The following TNR variants were observed in gnomAD, a reference collection of about 807,000 sequenced individuals.
TNR encodes the protein tenascin-R.
Under a neutral mutation model 150.4 loss-of-function variants are expected in TNR, and 45 were observed. That is an observed-to-expected ratio of 0.30 (90% CI 0.24 to 0.38). The LOEUF (loss-of-function observed/expected upper bound fraction) is 0.38. Ranked by LOEUF, TNR falls within the 10% of genes least tolerant of loss-of-function variation. The pLI, the probability that TNR is intolerant of heterozygous loss-of-function variation, is 1.00. For missense variants in TNR, 1,544 were observed against 1,759.1 expected, an observed-to-expected ratio of 0.88 and a Z score of 2.19; for synonymous variants, 687 against 678.4, an observed-to-expected ratio of 1.01 and a Z score of -0.20.
At chr1:175,654,949 C>G (rs1274476323) in intron 1 of TNR, among the ~76,000 whole-genome samples, 1 of 152,098 alleles carries the variant, frequency 6.6e-6, no homozygotes, top group African/African-American at 2.4e-5. Flanking sequence ...GTCTCGATCT[C>G]CTGACCTCGT....
intron 1 of TNR, among the ~76,000 whole-genome samples, chr1:175,630,063 T>TG (rs1448663913): frequency 1.3e-5 from 2 of 152,156 alleles, no homozygotes; most frequent in East Asian, 1.9e-4. Flanking sequence ...CAGAGCTCTC[T>TG]GGGGTCTGGA....
At chr1:175,469,454 T>C (rs1339491308) in intron 2 of TNR, among the ~76,000 whole-genome samples, 2 of 151,958 alleles carry the variant, frequency 1.3e-5, no homozygotes, top group African/African-American at 2.4e-5. Context: ...TCAGAGAAGG[T>C]TCAGAGAACA....
chr1:175,363,941 A>T, intron 12 of TNR, 114 bp from the exon 13 acceptor site: 1 of 1,330,990 alleles, frequency 7.5e-7, no homozygotes, highest in Non-Finnish European at 1.0e-6. Context: ...GGCAGACAAG[A>T]TCTTTCCATG....
intron 1 of TNR, among the ~76,000 whole-genome samples, chr1:175,688,298 A>C (rs539737393): frequency 1.3e-5 from 2 of 152,338 alleles, no homozygotes; most frequent in South Asian, 4.2e-4. Flanking sequence ...TGCAGACTTG[A>C]GAATGAGCAC....
intron 1 of TNR, among the ~76,000 whole-genome samples, chr1:175,715,152 T>C (rs761319202): frequency 6.6e-6 from 1 of 152,174 alleles, no homozygotes; most frequent in Non-Finnish European, 1.5e-5. Context: ...TATCCCCACA[T>C]TGAAGGATGA....
chr1:175,504,001 A>C (rs1658848604), intron 2 of TNR, among the ~76,000 whole-genome samples: 1 of 152,196 alleles, frequency 6.6e-6, no homozygotes, highest in Admixed American at 6.5e-5. Flanking sequence ...GTGCAGCCTC[A>C]TGGCGGATGC....
At chr1:175,349,113 G>T (rs143060974) in intron 18 of TNR, among the ~76,000 whole-genome samples, 1 of 152,156 alleles carries the variant, frequency 6.6e-6, no homozygotes, top group Non-Finnish European at 1.5e-5. Context: ...GATGCATGTC[G>T]TTAGGAAATA....
chr1:175,678,611 G>A (rs1222250425), intron 1 of TNR, among the ~76,000 whole-genome samples: 1 of 152,192 alleles, frequency 6.6e-6, no homozygotes, highest in Non-Finnish European at 1.5e-5. Context: ...CAGAGTCCAG[G>A]GAGCTGTATC....
At chr1:175,550,493 C>T (rs1406087434) in intron 1 of TNR, among the ~76,000 whole-genome samples, 1 of 151,818 alleles carries the variant, frequency 6.6e-6, no homozygotes, top group Non-Finnish European at 1.5e-5. Context: ...GAACTCTTCC[C>T]CCCTCACCCC....
At chr1:175,542,464 G>C (rs1660541834) in intron 1 of TNR, among the ~76,000 whole-genome samples, 1 of 152,168 alleles carries the variant, frequency 6.6e-6, no homozygotes, top group South Asian at 2.1e-4. Flanking sequence ...TCCTGTCTAA[G>C]TGTTTAGTTA....
In TNR at chr1:175,538,000, C is replaced by T. The variant is rs146212059; in HGVS notation, c.-164-9631G>A. On this transcript the variant is annotated intron_variant, in intron 1 of 22. Transcript: ENST00000367674. ...ATAATTCTTTTTTGGGTGAAACTCT[C>T]CAAGGTCACAATGTGGAGAAGTAGA... Among the ~76,000 whole-genome samples, 1,059 of 152,218 alleles carry T rather than the reference C, an allele frequency of 7.0e-3. 8 individuals are homozygous for T. The highest frequency in any genetic ancestry group is 0.023 in the African/African-American group (950 of 41,528).
chr1:175,520,232 G>A (rs1659579945), intron 2 of TNR, among the ~76,000 whole-genome samples: 3 of 152,194 alleles, frequency 2.0e-5, no homozygotes, highest in South Asian at 4.1e-4. Context: ...CTGAACATTT[G>A]ATGGGTCTGT....
intron 1 of TNR, among the ~76,000 whole-genome samples, chr1:175,570,456 C>T (rs547954318): frequency 1.4e-4 from 22 of 152,244 alleles, no homozygotes; most frequent in African/African-American, 5.1e-4. Flanking sequence ...GCAGGGTAGA[C>T]ATGAATGATA....
intron 1 of TNR, among the ~76,000 whole-genome samples, chr1:175,536,354 T>C (rs955486063): frequency 1.3e-5 from 2 of 152,234 alleles, no homozygotes; most frequent in Non-Finnish European, 2.9e-5. Context: ...AAGAAATGAC[T>C]GGCATCTGTG....
chr1:175,323,652 G>C (rs568120712), intron 22 of TNR, among the ~76,000 whole-genome samples, 176 bp from the exon 23 acceptor site: 1 of 152,368 alleles, frequency 6.6e-6, no homozygotes, highest in Non-Finnish European at 1.5e-5. Context: ...TCTCTTTCTA[G>C]CTTTCTCCTT....
chr1:175,614,219 AAG>A (rs1443865653), intron 1 of TNR, among the ~76,000 whole-genome samples: 1 of 152,094 alleles, frequency 6.6e-6, no homozygotes. Flanking sequence ...ATATGGTAGG[AAG>A]AGAGAGAGAG....
At chr1:175,636,415 T>C (rs936502933) in intron 1 of TNR, among the ~76,000 whole-genome samples, 5 of 151,900 alleles carry the variant, frequency 3.3e-5, no homozygotes, top group African/African-American at 1.2e-4. Flanking sequence ...CCCTGACTCA[T>C]AGTCTTTCCT....
At position 175,323,238 on chromosome 1, in the gene TNR, T is replaced by C; in HGVS notation, c.*119A>G. ...AGCGGATTCCTGCGACATCCCTGCT[T>C]CCTTCACATACTCTTAATATGTTGC... On this transcript the variant is annotated 3_prime_UTR_variant, in exon 23 of 23. Coordinates refer to ENST00000367674, the MANE Select transcript of TNR (RefSeq NM_003285.3). The C allele has an allele frequency of 7.5e-7, 1 of 1,329,084 alleles. No individual in the cohort carries two copies. 82.3% of individuals were successfully genotyped at this position (1,329,084 alleles called of 1,614,324 possible).
chr1:175,359,863 C>CTG, intron 14 of TNR, 132 bp from the exon 15 acceptor site: 2 of 1,175,998 alleles, frequency 1.7e-6, no homozygotes, highest in Non-Finnish European at 2.3e-6. Context: ...TGAGCAGAAA[C>CTG]CTCTTCCCTT....
Sources: allele counts gnomAD v4.1 joint callset (sites outside exome capture counted in the v4.1 genomes callset), GRCh38; gene constraint gnomAD v4.1.1; transcripts MANE v1.5; gene names NCBI Gene and HGNC (gene_info 2026-07-23, HGNC 2026-07-21).